Variants in ZNF721 observed in about 807,000 individuals in gnomAD.
The protein encoded by ZNF721 is zinc finger protein 721.
Under a neutral mutation model 2.4 loss-of-function variants are expected in ZNF721, and 2 were observed. That is an observed-to-expected ratio of 0.82 (90% CI 0.34 to 2.58). ZNF721 has a LOEUF of 2.58. ZNF721 is among the 30% of genes most tolerant of loss of function. ZNF721 has a pLI of 0.11. For synonymous variants in ZNF721, 398 were observed against 381.8 expected, an observed-to-expected ratio of 1.04 and a Z score of -0.50; for missense variants, 1,187 against 1,085.5, an observed-to-expected ratio of 1.09 and a Z score of -1.31.
intron 2 of ZNF721, among the ~76,000 whole-genome samples, chr4:447,278 C>T (rs565658999): frequency 3.3e-5 from 5 of 152,058 alleles, no homozygotes; most frequent in Admixed American, 6.5e-5. Context: ...GCCGAGATCG[C>T]GCCACTGCAC....
At chr4:473,515 C>T (rs1484614269) in intron 1 of ZNF721, among the ~76,000 whole-genome samples, 2 of 152,144 alleles carry the variant, frequency 1.3e-5, no homozygotes, top group Non-Finnish European at 2.9e-5. Context: ...ACACACCTCA[C>T]AAAAGTCTTT....
chr4:493,176 A>AG (rs1450408790), intron 1 of ZNF721, among the ~76,000 whole-genome samples: 1 of 151,842 alleles, frequency 6.6e-6, no homozygotes, highest in Non-Finnish European at 1.5e-5. Flanking sequence ...GACAGTAAAA[A>AG]AAAAAAAAAA....
intron 1 of ZNF721, among the ~76,000 whole-genome samples, chr4:479,974 A>AT (rs1303512338): frequency 1.9e-4 from 28 of 151,208 alleles, no homozygotes; most frequent in Admixed American, 4.6e-4. Flanking sequence ...GTAATTTCGT[A>AT]TTTTTTTTAT....
At chr4:486,661 C>G (rs1715906686) in intron 1 of ZNF721, among the ~76,000 whole-genome samples, 1 of 152,042 alleles carries the variant, frequency 6.6e-6, no homozygotes, top group South Asian at 2.1e-4. Context: ...TTGACTTTGT[C>G]TATATTAAAA....
chr4:448,743 C>T (rs76091284), intron 2 of ZNF721, among the ~76,000 whole-genome samples: 4,185 of 152,216 alleles, frequency 0.027, 79 homozygotes, highest in Non-Finnish European at 0.045. Context: ...TAAAGCTGAA[C>T]AGCTAGATTA....
intron 2 of ZNF721, among the ~76,000 whole-genome samples, chr4:449,387 C>T (rs1171275520): frequency 6.6e-6 from 1 of 151,540 alleles, no homozygotes; most frequent in African/African-American, 2.4e-5. Flanking sequence ...AAATTATCTA[C>T]AAGATAATAA....
chr4:467,046 G>A (rs547813506), intron 2 of ZNF721, among the ~76,000 whole-genome samples: 80 of 151,906 alleles, frequency 5.3e-4, no homozygotes, highest in African/African-American at 1.5e-3. Flanking sequence ...GTGAAACCCC[G>A]TCTCTACTAA....
rs143325072 is a variant in ZNF721 at position 444,241 on chromosome 4, T to C, written c.226A>G (p.Thr76Ala). Reference sequence around the variant, plus strand: ...TTACATTGAAATATTTTGCTCTGAGTATTTGACAAGCATTTATTAATTCCA... The same window carrying C: ...TTACATTGAAATATTTTGCTCTGAGCATTTGACAAGCATTTATTAATTCCA... ...YNGINKCLSN[T>A]QSKIFQCNAR... Residue 76 changes from threonine to alanine, a missense_variant, in exon 3 of 3, where the codon ACT (threonine) becomes GCT (alanine). By Grantham distance (58) the Thr-to-Ala change is moderately conservative. Coordinates refer to ENST00000511833, the MANE Select transcript of ZNF721 (RefSeq NM_133474.4). 799 of 1,613,728 alleles carry C rather than the reference T, an allele frequency of 5.0e-4. 3 individuals are homozygous for C. In the African/African-American group the frequency reaches 9.6e-3, roughly 19 times the overall value.
At chr4:488,810 C>G (rs1223074749) in intron 1 of ZNF721, among the ~76,000 whole-genome samples, 1 of 151,580 alleles carries the variant, frequency 6.6e-6, no homozygotes, top group Admixed American at 6.6e-5. Flanking sequence ...GGCCTGGCAA[C>G]AGAGCGATAC....
chr4:460,621 C>T (rs1443401756), intron 2 of ZNF721, among the ~76,000 whole-genome samples: 4 of 139,430 alleles, frequency 2.9e-5, no homozygotes, highest in Non-Finnish European at 6.3e-5. Flanking sequence ...ACACGAAAGA[C>T]CCTTTCAAAA....
At position 443,648 on chromosome 4, in the gene ZNF721, G is replaced by A. The variant is rs371495220; in HGVS notation, c.819C>T (p.Gly273=). The stretch of plus-strand genomic sequence containing the variant: ...ATTCTAAACATTTAAAGGGTTTCTC[G>A]CCAGTATGAATCCTCTTATGTTTAG... ...SFAKHKRIHT[G]EKPFKCLECG... The change falls in exon 3 of 3, where the codon GGC becomes GGT. Residue 273 remains glycine, a synonymous_variant. Transcript: ENST00000511833. 1.8e-5 allele frequency: 29 copies of A among 1,613,246 alleles called. No individual in the cohort carries two copies. Among genetic ancestry groups the A allele is most frequent in the Admixed American group, 5.0e-5 (3 of 59,962 alleles).
intron 1 of ZNF721, among the ~76,000 whole-genome samples, chr4:496,814 G>A (rs1438408995): frequency 7.1e-6 from 1 of 141,414 alleles, no homozygotes; most frequent in Non-Finnish European, 1.5e-5. Context: ...CCGGGTTCAC[G>A]CCATTCTCCT....
intron 2 of ZNF721, among the ~76,000 whole-genome samples, chr4:461,649 G>A (rs538486577): frequency 6.6e-6 from 1 of 152,000 alleles, no homozygotes; most frequent in Non-Finnish European, 1.5e-5. Flanking sequence ...GAGGTGGGTG[G>A]ATCACTTGAG....
intron 2 of ZNF721, among the ~76,000 whole-genome samples, chr4:459,950 A>T (rs1162328838): frequency 6.6e-6 from 1 of 152,190 alleles, no homozygotes; most frequent in Non-Finnish European, 1.5e-5. Context: ...TCATAAAGCA[A>T]GTTTTTAGAG....
At chr4:486,838 A>C (rs555491143) in intron 1 of ZNF721, among the ~76,000 whole-genome samples, 2 of 152,216 alleles carry the variant, frequency 1.3e-5, no homozygotes, top group Non-Finnish European at 2.9e-5. Flanking sequence ...CGCTTTTCCC[A>C]AGAGACTTCA....
intron 2 of ZNF721, among the ~76,000 whole-genome samples, chr4:450,955 AAATATATATATATATATATAT>A (rs1204613897): frequency 3.6e-5 from 1 of 27,950 alleles, no homozygotes; most frequent in African/African-American, 2.5e-4. Flanking sequence ...AAAAAAAAAA[AAATATATATATATATATATAT>A]ATATATATAT....
chr4:440,909 A>AC lies in ZNF721; in HGVS notation c.*785dup, dbSNP rs1203084888. 1.3e-5 allele frequency: 2 copies of AC among 152,042 alleles called. No homozygotes were observed. The highest frequency in any genetic ancestry group is 4.8e-5 in the African/African-American group (2 of 41,362). 9.4% of individuals were successfully genotyped at this position (152,042 alleles called of 1,614,324 possible). On this transcript the variant is annotated 3_prime_UTR_variant, in exon 3 of 3. Transcript: ENST00000511833. ...TTGAACTCCCGACCTCAGGTGATCC[A>AC]CCCTCCTTGGCCTCCCAAAGTGTTG...
intron 1 of ZNF721, among the ~76,000 whole-genome samples, chr4:495,998 A>G (rs1553872156): frequency 1.3e-5 from 2 of 152,224 alleles, no homozygotes; most frequent in African/African-American, 4.8e-5. Context: ...TTTCAGAAAT[A>G]CAGCCATTGC....
At chr4:456,975 A>G (rs1553865497) in intron 2 of ZNF721, among the ~76,000 whole-genome samples, 1 of 152,206 alleles carries the variant, frequency 6.6e-6, no homozygotes, top group Non-Finnish European at 1.5e-5. Flanking sequence ...ATTCTGATCT[A>G]TAAAACACTG....
Sources: gnomAD v4.1 joint callset for allele counts (sites outside exome capture counted in the v4.1 genomes callset) on GRCh38, gnomAD v4.1.1 for gene constraint, MANE v1.5 for transcripts, NCBI Gene and HGNC (gene_info 2026-07-23, HGNC 2026-07-21) for gene names.